Variants in NTNG1 observed in about 807,000 individuals in gnomAD.
The protein encoded by NTNG1 is netrin-G1.
NTNG1 carries 16 observed loss-of-function variants against 54.0 expected under a neutral mutation model. The observed-to-expected ratio is 0.30, with a 90% CI of 0.20 to 0.45. The LOEUF (loss-of-function observed/expected upper bound fraction) is 0.45, where lower values mean the gene tolerates loss of function less well. Ranked by LOEUF, NTNG1 falls within the 20% of genes least tolerant of loss-of-function variation. NTNG1 has a pLI of 1.00. For missense variants in NTNG1, 530 were observed against 678.7 expected, an observed-to-expected ratio of 0.78 and a Z score of 2.43; for synonymous variants, 255 against 263.1, an observed-to-expected ratio of 0.97 and a Z score of 0.30.
chr1:107,166,906 G>A (rs1655838135), intron 2 of NTNG1, among the ~76,000 whole-genome samples: 1 of 152,122 alleles, frequency 6.6e-6, no homozygotes, highest in African/African-American at 2.4e-5. Context: ...CTGTCATTAA[G>A]TACCATGGGT....
intron 3 of NTNG1, among the ~76,000 whole-genome samples, chr1:107,390,542 T>C (rs988581092): frequency 6.6e-6 from 1 of 152,190 alleles, no homozygotes; most frequent in Non-Finnish European, 1.5e-5. Flanking sequence ...GTCTCCTTTC[T>C]CCAATGTAGT....
At chr1:107,480,573 C>CCCCCCCCCCCCCCCCCACA in intron 7 of NTNG1, 38 bp from the exon 8 acceptor site, 1 of 559,904 alleles carries the variant, frequency 1.8e-6, no homozygotes. Flanking sequence ...TTCTCCTCCC[C>CCCCCCCCCCCCCCCCCACA]GCGCCCACCC....
intron 2 of NTNG1, among the ~76,000 whole-genome samples, chr1:107,205,298 T>C (rs1305100517): frequency 6.6e-6 from 1 of 152,110 alleles, no homozygotes; most frequent in South Asian, 2.1e-4. Flanking sequence ...GATATGCCTG[T>C]CTCCCCAAAT....
At chr1:107,407,307 T>C (rs543113795) in intron 4 of NTNG1, among the ~76,000 whole-genome samples, 1 of 152,298 alleles carries the variant, frequency 6.6e-6, no homozygotes, top group South Asian at 2.1e-4. Context: ...TCTGTACCCA[T>C]AACTTAAGCC....
intron 3 of NTNG1, among the ~76,000 whole-genome samples, chr1:107,374,316 T>C (rs969542776): frequency 6.6e-6 from 1 of 152,164 alleles, no homozygotes; most frequent in Admixed American, 6.5e-5. Context: ...TTCAAATATT[T>C]ATTTGGCCCA....
At chr1:107,385,138 A>G (rs1438210075) in intron 3 of NTNG1, among the ~76,000 whole-genome samples, 2 of 152,216 alleles carry the variant, frequency 1.3e-5, no homozygotes, top group Non-Finnish European at 2.9e-5. Context: ...AGTGATTAAT[A>G]TATACCAGGC....
intron 2 of NTNG1, among the ~76,000 whole-genome samples, chr1:107,164,097 A>G (rs1264979609): frequency 1.3e-5 from 2 of 152,234 alleles, no homozygotes; most frequent in African/African-American, 4.8e-5. Context: ...AGTGTGTTCA[A>G]TTAGAGACAG....
At chr1:107,462,760 T>G (rs1316068973) in intron 7 of NTNG1, among the ~76,000 whole-genome samples, 1 of 152,230 alleles carries the variant, frequency 6.6e-6, no homozygotes, top group African/African-American at 2.4e-5. Context: ...TTTAGACCTC[T>G]CTATAATCAA....
chr1:107,277,011 T>G (rs1485581336), intron 2 of NTNG1, among the ~76,000 whole-genome samples: 1 of 152,142 alleles, frequency 6.6e-6, no homozygotes, highest in Non-Finnish European at 1.5e-5. Flanking sequence ...GGGAAATTTG[T>G]CAGATCACCA....
intron 4 of NTNG1, among the ~76,000 whole-genome samples, chr1:107,400,340 A>C (rs1211964806): frequency 1.3e-5 from 2 of 152,130 alleles, no homozygotes; most frequent in Non-Finnish European, 2.9e-5. Flanking sequence ...TCTTTAGCCA[A>C]AATTATTATA....
intron 3 of NTNG1, chr1:107,333,867 G>A (rs1177187353): frequency 6.8e-6 from 1 of 147,942 alleles, no homozygotes; most frequent in Non-Finnish European, 1.5e-5. Context: ...GAACCTTGGA[G>A]TACTATGCAT....
intron 3 of NTNG1, among the ~76,000 whole-genome samples, chr1:107,335,175 T>C (rs1480908631): frequency 6.6e-6 from 1 of 152,008 alleles, no homozygotes; most frequent in African/African-American, 2.4e-5. Flanking sequence ...CTTAATCCCT[T>C]TCCTGGATGA....
chr1:107,168,958 T>C (rs1656014580), intron 2 of NTNG1, among the ~76,000 whole-genome samples: 1 of 152,196 alleles, frequency 6.6e-6, no homozygotes, highest in Non-Finnish European at 1.5e-5. Context: ...TCTTTTTCTA[T>C]TCAATCTGTA....
At chr1:107,160,154 A>G (rs1195898555) in intron 2 of NTNG1, among the ~76,000 whole-genome samples, 1 of 152,094 alleles carries the variant, frequency 6.6e-6, no homozygotes, top group Non-Finnish European at 1.5e-5. Flanking sequence ...TTGGATGTCT[A>G]GTAGGCAGTT....
Position 107,398,328 on chromosome 1 carries a change from A to G in NTNG1, c.1060+3002A>G, listed in dbSNP as rs118056748. 0.012 allele frequency among the ~76,000 whole-genome samples: 1,795 copies of G among 152,294 alleles called. 92 individuals are homozygous for G. The East Asian group carries it at 0.18, about 15-fold the overall frequency. On this transcript the variant is annotated intron_variant, in intron 4 of 7. Transcript: ENST00000370068. Reference sequence around the variant, plus strand: ...TGGTCAGTTTCTGTTCACCTTCACAAGTTTTAACAGAACAACTGGGAGGTC... The same window carrying G: ...TGGTCAGTTTCTGTTCACCTTCACAGGTTTTAACAGAACAACTGGGAGGTC...
chr1:107,367,096 T>G (rs1308168864), intron 3 of NTNG1, among the ~76,000 whole-genome samples: 1 of 132,850 alleles, frequency 7.5e-6, no homozygotes, highest in Non-Finnish European at 1.6e-5. Flanking sequence ...GTGTGTGTGT[T>G]TCTCTAGCAC....
chr1:107,393,739 T>C (rs1282107906), intron 3 of NTNG1, among the ~76,000 whole-genome samples: 2 of 152,008 alleles, frequency 1.3e-5, no homozygotes, highest in African/African-American at 4.8e-5. Flanking sequence ...CATTCCTTTT[T>C]TTCCTTGCCG....
chr1:107,384,058 A>C (rs1447797085), intron 3 of NTNG1, among the ~76,000 whole-genome samples: 1 of 152,170 alleles, frequency 6.6e-6, no homozygotes, highest in East Asian at 1.9e-4. Flanking sequence ...ATCCTTCAGC[A>C]CTCCTTATCT....
chr1:107,426,805 C>T (rs1308235858), intron 5 of NTNG1, among the ~76,000 whole-genome samples: 29 of 151,942 alleles, frequency 1.9e-4, no homozygotes, highest in Admixed American at 1.9e-3. Flanking sequence ...ATTCTTTCAA[C>T]CCATGAACAT....
Sources: allele counts gnomAD v4.1 joint callset (sites outside exome capture counted in the v4.1 genomes callset), GRCh38; gene constraint gnomAD v4.1.1; transcripts MANE v1.5; gene names NCBI Gene and HGNC (gene_info 2026-07-23, HGNC 2026-07-21).